SLC16A10: variants seen among roughly 807,000 people sequenced by gnomAD.
SLC16A10 encodes monocarboxylate transporter 10.
Under a neutral mutation model 40.0 loss-of-function variants are expected in SLC16A10, and 27 were observed. That is an observed-to-expected ratio of 0.67 (90% CI 0.50 to 0.93). The LOEUF is 0.93. SLC16A10 is among the 40% of genes least tolerant of loss of function. SLC16A10 has a pLI of 0.00. For synonymous variants in SLC16A10, 213 were observed against 249.8 expected (o/e 0.85, Z 1.39); for missense variants, 529 against 658.2 (o/e 0.80, Z 2.15).
intron 1 of SLC16A10, among the ~76,000 whole-genome samples, chr6:111,099,437 C>T (rs966990685): frequency 1.3e-5 from 2 of 152,006 alleles, no homozygotes; most frequent in East Asian, 1.9e-4. Flanking sequence ...CTCAGCCTCC[C>T]GAGTAGCTGG....
intron 1 of SLC16A10, among the ~76,000 whole-genome samples, chr6:111,112,122 C>T (rs1353843509): frequency 2.0e-5 from 3 of 152,056 alleles, no homozygotes; most frequent in East Asian, 3.9e-4. Flanking sequence ...CTCTACCATA[C>T]AGGCTCAAGC....
At chr6:111,142,394 A>T (rs1433380988) in intron 1 of SLC16A10, among the ~76,000 whole-genome samples, 1 of 152,254 alleles carries the variant, frequency 6.6e-6, no homozygotes, top group East Asian at 1.9e-4. Flanking sequence ...TAGACATGAA[A>T]CACAAAACTA....
At chr6:111,190,862 T>C (rs1772978496) in intron 3 of SLC16A10, among the ~76,000 whole-genome samples, 1 of 152,218 alleles carries the variant, frequency 6.6e-6, no homozygotes, top group African/African-American at 2.4e-5. Context: ...AGGCCTATGA[T>C]GGGAAGGGCT....
intron 1 of SLC16A10, 97 bp downstream of exon 1, chr6:111,088,192 G>C: frequency 7.9e-7 from 1 of 1,260,122 alleles, no homozygotes; most frequent in South Asian, 1.4e-5. Context: ...GAGTGTGCAT[G>C]TCGGTGGGTC....
chr6:111,155,022 CAAAAAAAAAAAA>C (rs397888706), intron 1 of SLC16A10, among the ~76,000 whole-genome samples: 62 of 53,466 alleles, frequency 1.2e-3, no homozygotes, highest in Admixed American at 6.0e-3. Flanking sequence ...GACTCCATCT[CAAAAAAAAAAAA>C]AAAAAAAAAA....
chr6:111,197,581 T>C (rs964635723), intron 3 of SLC16A10, among the ~76,000 whole-genome samples: 1 of 152,202 alleles, frequency 6.6e-6, no homozygotes, highest in Non-Finnish European at 1.5e-5. Context: ...GAAGAAGCTG[T>C]ATTAGGTTCT....
intron 3 of SLC16A10, among the ~76,000 whole-genome samples, chr6:111,196,549 C>T (rs1773082737): frequency 6.6e-6 from 1 of 152,074 alleles, no homozygotes; most frequent in South Asian, 2.1e-4. Context: ...TGGCTTATGC[C>T]TGTAATCCCA....
In SLC16A10 at chr6:111,206,678, A is replaced by T. The variant is rs1187135903; in HGVS notation, c.1029A>T (p.Arg343=). Residue 343 remains arginine, a synonymous_variant, in exon 4 of 6, where the codon CGA becomes CGT. Transcript: ENST00000368851. ...TTGGCGTCACTTCAGGAGTTGGACG[A>T]CTGCTCTTTGGCCGGATTGCAGATT... ...MCIGVTSGVG[R]LLFGRIADYV... The T allele has an allele frequency of 1.9e-6, 3 of 1,614,094 alleles. No individual in the cohort carries two copies. The highest frequency in any genetic ancestry group is 1.7e-5 in the Admixed American group (1 of 60,002).
intron 3 of SLC16A10, among the ~76,000 whole-genome samples, chr6:111,201,485 G>A (rs1292105146): frequency 6.6e-6 from 1 of 152,120 alleles, no homozygotes; most frequent in African/African-American, 2.4e-5. Flanking sequence ...CAGAAATAAA[G>A]TTACTTTTGT....
Position 111,157,158 on chromosome 6 carries a change from A to C in SLC16A10, c.344-15537A>C, listed in dbSNP as rs181191183. 2.5e-3 allele frequency among the ~76,000 whole-genome samples: 384 copies of C among 152,210 alleles called. 2 individuals are homozygous for C. The highest frequency in any genetic ancestry group is 8.7e-3 in the African/African-American group (363 of 41,552). ...GGTCTTGAACTCCTGACCTCAGGTG[A>C]TCCACCTGCCTCGGCCTCCCAAAGT... On this transcript the variant is annotated intron_variant, in intron 1 of 5. Transcript: ENST00000368851.
intron 3 of SLC16A10, among the ~76,000 whole-genome samples, chr6:111,195,222 C>T (rs1258749004): frequency 7.9e-5 from 12 of 152,184 alleles, no homozygotes; most frequent in African/African-American, 2.4e-5. Flanking sequence ...GCCTGGGATA[C>T]GTGCTACAAC....
intron 4 of SLC16A10, among the ~76,000 whole-genome samples, chr6:111,209,492 C>T (rs549951630): frequency 4.6e-5 from 7 of 152,102 alleles, no homozygotes; most frequent in Non-Finnish European, 1.0e-4. Flanking sequence ...TTCACCCAAC[C>T]TACCTGCCCT....
rs574029445 is a variant in SLC16A10 at position 111,198,372 on chromosome 6, AT to A, written c.943-8215del. On this transcript the variant is annotated intron_variant, in intron 3 of 5. Transcript: ENST00000368851. ...TGGGTGCATTTGTTCACTTTGGACT[AT>A]TTTTCCAAATTCATGTACAGTCGTG... Among the ~76,000 whole-genome samples the A allele has an allele frequency of 2.5e-3, 382 of 152,298 alleles. 2 individuals are homozygous for A. The highest frequency in any genetic ancestry group is 8.7e-3 in the African/African-American group (361 of 41,556).
chr6:111,206,740 T>C lies in SLC16A10; in HGVS notation c.1086+5T>C. 6.2e-7 allele frequency: 1 copy of C among 1,611,236 alleles called. No homozygotes were observed. On this transcript the variant is annotated splice_donor_5th_base_variant and intron_variant, in intron 4 of 5. Transcript: ENST00000368851. ...GTGAAGAAGGTTTATCTACAGGTAC[T>C]TTTTTACACCTTTTTTCCCCTATCA...
rs145940836 is a variant in SLC16A10 at position 111,196,469 on chromosome 6, G to A, written c.943-10123G>A. Among the ~76,000 whole-genome samples, 124 of 152,328 alleles carry A rather than the reference G, an allele frequency of 8.1e-4. 1 individual carries two copies. The highest frequency in any genetic ancestry group is 2.9e-3 in the African/African-American group (121 of 41,580). ...ACTGCACTCCAGCCTAGGCAACAGC[G>A]AGACCCCATCTCAAAACAAAAACAA... On this transcript the variant is annotated intron_variant, in intron 3 of 5. Transcript: ENST00000368851.
intron 1 of SLC16A10, among the ~76,000 whole-genome samples, chr6:111,151,405 C>T (rs147706218): frequency 6.6e-6 from 1 of 152,174 alleles, no homozygotes; most frequent in Non-Finnish European, 1.5e-5. Flanking sequence ...CCACTCCCTT[C>T]ATCTTTTTTA....
intron 1 of SLC16A10, among the ~76,000 whole-genome samples, chr6:111,144,285 G>C (rs1334424570): frequency 6.6e-6 from 1 of 152,136 alleles, no homozygotes; most frequent in African/African-American, 2.4e-5. Context: ...CTCACTGCAA[G>C]CTCTGCCTCC....
intron 1 of SLC16A10, among the ~76,000 whole-genome samples, chr6:111,122,756 G>T (rs558001386): frequency 3.9e-5 from 6 of 152,246 alleles, no homozygotes; most frequent in African/African-American, 1.4e-4. Context: ...CAGTGGTGAG[G>T]ACGATGAGAA....
chr6:111,100,978 C>T (rs1413616603), intron 1 of SLC16A10, among the ~76,000 whole-genome samples: 5 of 123,416 alleles, frequency 4.1e-5, no homozygotes, highest in African/African-American at 1.7e-4. Context: ...CTCTCTCTCT[C>T]TCTCTCTCTC....
Sources: gnomAD v4.1 joint callset for allele counts (sites outside exome capture counted in the v4.1 genomes callset) on GRCh38, gnomAD v4.1.1 for gene constraint, MANE v1.5 for transcripts, NCBI Gene and HGNC (gene_info 2026-07-23, HGNC 2026-07-21) for gene names.